The following ZDHHC14 variants were observed in gnomAD, a reference collection of about 807,000 sequenced individuals.
ZDHHC14 encodes zDHHC palmitoyltransferase 14.
ZDHHC14 carries 16 observed loss-of-function variants against 47.7 expected under a neutral mutation model. That is an observed-to-expected ratio of 0.34 (90% CI 0.23 to 0.51). The LOEUF is 0.51. Ranked by LOEUF, ZDHHC14 falls within the 20% of genes least tolerant of loss-of-function variation. ZDHHC14 has a pLI of 0.97. For missense variants in ZDHHC14, 515 were observed against 662.5 expected (o/e 0.78, Z 2.44); for synonymous variants, 293 against 278.9 (o/e 1.05, Z -0.50).
At chr6:157,611,015 TTTTTGTTTTTG>T (rs1357351467) in intron 3 of ZDHHC14, among the ~76,000 whole-genome samples, 10 of 152,154 alleles carry the variant, frequency 6.6e-5, no homozygotes, top group African/African-American at 1.9e-4. Flanking sequence ...TTTTTGTTTG[TTTTTGTTTTTG>T]TTTTGTTTTT....
At chr6:157,497,462 C>A (rs1487376390) in intron 1 of ZDHHC14, among the ~76,000 whole-genome samples, 1 of 152,132 alleles carries the variant, frequency 6.6e-6, no homozygotes, top group Non-Finnish European at 1.5e-5. Context: ...AATGACGTTG[C>A]CTCATGTGGG....
Position 157,586,002 on chromosome 6 carries a change from A to G in ZDHHC14, c.407-6986A>G, listed in dbSNP as rs1783685817. 6.6e-6 allele frequency among the ~76,000 whole-genome samples: 1 copy of G among 152,182 alleles called. No individual in the cohort carries two copies. The highest frequency in any genetic ancestry group is 2.1e-4 in the South Asian group (1 of 4,830). On this transcript the variant is annotated intron_variant, in intron 2 of 8. Transcript: ENST00000359775. This position sits in a 1 kb window ranked among gnomAD's most constrained non-coding sequence, Gnocchi z 4.6. Reference sequence around the variant, plus strand: ...CAGTCCTCCATCTTGGGCATCTCCTATGTGCTAGACTCTCTGCTGGATGAT... The same window carrying G: ...CAGTCCTCCATCTTGGGCATCTCCTGTGTGCTAGACTCTCTGCTGGATGAT...
chr6:157,542,053 C>A (rs926310270), intron 1 of ZDHHC14, among the ~76,000 whole-genome samples: 1 of 152,200 alleles, frequency 6.6e-6, no homozygotes, highest in African/African-American at 2.4e-5. Flanking sequence ...ACCTCCAGAA[C>A]ATGGAAAATT....
At chr6:157,641,725 G>A (rs932603787) in intron 5 of ZDHHC14, among the ~76,000 whole-genome samples, 4 of 152,052 alleles carry the variant, frequency 2.6e-5, no homozygotes, top group Non-Finnish European at 4.4e-5. Flanking sequence ...GTGGCTCCTC[G>A]GTTTGTGTCT....
intron 3 of ZDHHC14, among the ~76,000 whole-genome samples, chr6:157,603,426 C>T (rs1396131759): frequency 6.6e-6 from 1 of 152,152 alleles, no homozygotes; most frequent in African/African-American, 2.4e-5. Flanking sequence ...TAGCTGGCAG[C>T]CACACTGAGA....
chr6:157,475,734 G>C (rs1166069655), intron 1 of ZDHHC14, among the ~76,000 whole-genome samples: 1 of 152,130 alleles, frequency 6.6e-6, no homozygotes, highest in Non-Finnish European at 1.5e-5. Context: ...TTTGTATGCT[G>C]TAACATTACT....
chr6:157,419,216 C>A (rs889521044), intron 1 of ZDHHC14, among the ~76,000 whole-genome samples: 1 of 152,122 alleles, frequency 6.6e-6, no homozygotes, highest in Non-Finnish European at 1.5e-5. Context: ...TTGTTACAAT[C>A]GATCAACCTA....
intron 1 of ZDHHC14, among the ~76,000 whole-genome samples, chr6:157,462,139 A>C (rs1018533145): frequency 6.6e-6 from 1 of 152,182 alleles, no homozygotes; most frequent in Non-Finnish European, 1.5e-5. Context: ...CAGCCTCTTC[A>C]GTGTCCTCTG....
At chr6:157,525,744 T>C (rs763997886) in intron 1 of ZDHHC14, among the ~76,000 whole-genome samples, 12 of 152,114 alleles carry the variant, frequency 7.9e-5, no homozygotes, top group Non-Finnish European at 1.3e-4. Context: ...TATAAAATGA[T>C]TCTGGGCATC....
intron 1 of ZDHHC14, among the ~76,000 whole-genome samples, chr6:157,511,593 C>T (rs1465210235): frequency 7.0e-6 from 1 of 143,010 alleles, no homozygotes; most frequent in South Asian, 2.2e-4. Context: ...GGGGTTTCTC[C>T]GTGTTGGTCA....
At chr6:157,573,662 A>G (rs1269415420) in intron 2 of ZDHHC14, among the ~76,000 whole-genome samples, 1 of 152,096 alleles carries the variant, frequency 6.6e-6, no homozygotes, top group Non-Finnish European at 1.5e-5. Flanking sequence ...GCTTAACCCC[A>G]TGCCCTTCCC....
At chr6:157,594,201 C>T (rs143025520) in intron 3 of ZDHHC14, among the ~76,000 whole-genome samples, 2,437 of 152,326 alleles carry the variant, frequency 0.016, 60 homozygotes, top group African/African-American at 0.055. Flanking sequence ...AAGCAGTCTT[C>T]CGTTTGTCTT....
chr6:157,470,301 T>G (rs1779324197), intron 1 of ZDHHC14, among the ~76,000 whole-genome samples: 2 of 152,302 alleles, frequency 1.3e-5, no homozygotes, highest in South Asian at 4.1e-4. Context: ...ATTAAGGAAA[T>G]TGATCTCGAA....
chr6:157,390,283 C>T (rs1018238136), intron 1 of ZDHHC14, among the ~76,000 whole-genome samples: 3 of 151,968 alleles, frequency 2.0e-5, no homozygotes, highest in Non-Finnish European at 4.4e-5. Context: ...TTTAGCATTT[C>T]CCCCCATATG....
intron 3 of ZDHHC14, among the ~76,000 whole-genome samples, chr6:157,601,330 A>G (rs1784328734): frequency 6.6e-6 from 1 of 152,232 alleles, no homozygotes; most frequent in South Asian, 2.1e-4. Flanking sequence ...ATTTTACAAT[A>G]TCTTTTCTAA....
chr6:157,411,771 AT>A (rs1777874576), intron 1 of ZDHHC14, among the ~76,000 whole-genome samples: 3 of 139,080 alleles, frequency 2.2e-5, no homozygotes, highest in Non-Finnish European at 1.6e-5. Flanking sequence ...AAAAAAAAAA[AT>A]TAAAGCTTTC....
At chr6:157,400,919 CCT>C (rs1296599045) in intron 1 of ZDHHC14, among the ~76,000 whole-genome samples, 4 of 152,318 alleles carry the variant, frequency 2.6e-5, no homozygotes, top group Non-Finnish European at 5.9e-5. Flanking sequence ...AGCCCAGAAC[CCT>C]GTCTTATTGA....
chr6:157,457,075 G>A (rs960604732), intron 1 of ZDHHC14, among the ~76,000 whole-genome samples: 1 of 151,764 alleles, frequency 6.6e-6, no homozygotes, highest in East Asian at 1.9e-4. Context: ...TTGGGAGGCT[G>A]AGGCAGGAGA....
intron 2 of ZDHHC14, among the ~76,000 whole-genome samples, chr6:157,553,554 C>T (rs1782332703): frequency 6.6e-6 from 1 of 151,972 alleles, no homozygotes; most frequent in African/African-American, 2.4e-5. Flanking sequence ...CCTCCGAACC[C>T]CTGTCATGAT....
Sources: allele counts gnomAD v4.1 joint callset (sites outside exome capture counted in the v4.1 genomes callset), GRCh38; gene constraint gnomAD v4.1.1; non-coding constraint Gnocchi (gnomAD v3.1); transcripts MANE v1.5; gene names NCBI Gene and HGNC (gene_info 2026-07-23, HGNC 2026-07-21).